UTS2B: variants seen among roughly 807,000 people sequenced by gnomAD.
The protein encoded by UTS2B is urotensin-2B.
UTS2B carries 21 observed loss-of-function variants against 19.2 expected under a neutral mutation model. The observed-to-expected ratio is 1.09, with a 90% CI of 0.78 to 1.58. The LOEUF (loss-of-function observed/expected upper bound fraction) is 1.58, where lower values mean the gene tolerates loss of function less well. UTS2B is among the 40% of genes most tolerant of loss of function. The probability of loss-of-function intolerance (pLI) is 0.00; values close to 1 mark genes in which losing one functional copy is unlikely to be tolerated. For synonymous variants in UTS2B, 57 were observed against 50.2 expected, an observed-to-expected ratio of 1.14 and a Z score of -0.58; for missense variants, 138 against 130.3, an observed-to-expected ratio of 1.06 and a Z score of -0.29.
intron 4 of UTS2B, among the ~76,000 whole-genome samples, chr3:191,300,414 T>C (rs991703920): frequency 8.5e-5 from 13 of 152,184 alleles, no homozygotes; most frequent in African/African-American, 3.1e-4. Context: ...TGCCAGTAAA[T>C]CCATTGTATC....
At chr3:191,341,753 G>A in the UTS2B span, among the ~76,000 whole-genome samples, 8 of 152,154 alleles carry the variant, frequency 5.3e-5, no homozygotes, top group Admixed American at 5.2e-4. Context: ...TTGTGAAACT[G>A]CATGGAGAGC....
rs1309128841 is a variant in UTS2B at position 191,299,673 on chromosome 3, GGGT to G, written c.-125+4816_-125+4818del. On this transcript the variant is annotated intron_variant, in intron 4 of 8. Transcript: ENST00000340524. ...AAAGCAGTGCAGAGGGGAAGTGTGG[GGGT>G]GGAACCCCCACACAGAGTCCCCACT... Among the ~76,000 whole-genome samples, 4 of 152,364 alleles carry G rather than the reference GGGT, an allele frequency of 2.6e-5. No homozygotes were observed. The East Asian group carries it at 7.7e-4, about 29-fold the overall frequency.
intron 4 of UTS2B, among the ~76,000 whole-genome samples, chr3:191,299,824 G>A (rs1326732104): frequency 6.6e-6 from 1 of 152,242 alleles, no homozygotes; most frequent in East Asian, 1.9e-4. Context: ...ACCAGCCCTT[G>A]AGAGCAGCCA....
intron 8 of UTS2B, chr3:191,273,584 T>G (rs754274412): frequency 8.8e-6 from 4 of 456,730 alleles, no homozygotes; most frequent in Non-Finnish European, 1.8e-5. Context: ...AGAGTGGTGC[T>G]GTGCTGTGCT....
intron 3 of UTS2B, among the ~76,000 whole-genome samples, chr3:191,314,067 T>C (rs1430865633): frequency 6.6e-6 from 1 of 152,114 alleles, no homozygotes; most frequent in Non-Finnish European, 1.5e-5. Context: ...TTCTCTGTAA[T>C]GGAGTAGCTT....
chr3:191,284,913 C>T (rs1716492666), intron 4 of UTS2B, among the ~76,000 whole-genome samples: 1 of 151,998 alleles, frequency 6.6e-6, no homozygotes. Context: ...TCATCACCAC[C>T]ACACCAGTCT....
intron 2 of UTS2B, among the ~76,000 whole-genome samples, chr3:191,324,242 C>T (rs1237371784): frequency 1.3e-5 from 2 of 152,228 alleles, no homozygotes; most frequent in Non-Finnish European, 2.9e-5. Context: ...CAAGAAGGCT[C>T]TTACCAGATG....
At chr3:191,324,880 C>T (rs1425775925) in intron 2 of UTS2B, among the ~76,000 whole-genome samples, 2 of 152,044 alleles carry the variant, frequency 1.3e-5, no homozygotes, top group Admixed American at 6.6e-5. Context: ...GAAACCTCCT[C>T]TCTACTAAAT....
chr3:191,282,700 T>G (rs576526775), intron 4 of UTS2B, among the ~76,000 whole-genome samples: 2 of 152,328 alleles, frequency 1.3e-5, no homozygotes, highest in South Asian at 2.1e-4. Context: ...GTAGTCTTCC[T>G]GATAGTGATG....
At chr3:191,312,988 T>C (rs1023583454) in intron 3 of UTS2B, among the ~76,000 whole-genome samples, 2 of 151,894 alleles carry the variant, frequency 1.3e-5, no homozygotes, top group East Asian at 1.9e-4. Flanking sequence ...AGGATAAGTG[T>C]ACATTTAACA....
intron 1 of UTS2B, 86 bp downstream of exon 1, chr3:191,330,328 C>CACACACAA (rs1491569698): frequency 1.0e-4 from 15 of 146,920 alleles, no homozygotes; most frequent in African/African-American, 3.3e-4. Context: ...CACACACACA[C>CACACACAA]AATAGTGAGC....
chr3:191,306,437 T>C (rs182790169), intron 3 of UTS2B, among the ~76,000 whole-genome samples: 1 of 152,300 alleles, frequency 6.6e-6, no homozygotes, highest in East Asian at 1.9e-4. Context: ...TATTTTATAG[T>C]TTATATTTAT....
At chr3:191,285,792 G>A (rs528749066) in intron 4 of UTS2B, among the ~76,000 whole-genome samples, 203 of 152,114 alleles carry the variant, frequency 1.3e-3, no homozygotes, top group Non-Finnish European at 2.4e-3. Flanking sequence ...CCAGCTACTT[G>A]GGAAGCTGAG....
At chr3:191,283,044 A>C (rs965969555) in intron 4 of UTS2B, among the ~76,000 whole-genome samples, 1 of 152,172 alleles carries the variant, frequency 6.6e-6, no homozygotes, top group Non-Finnish European at 1.5e-5. Context: ...CTTGTCCCAA[A>C]AGACTTTGGA....
intron 4 of UTS2B, among the ~76,000 whole-genome samples, chr3:191,293,281 GTCTCT>G (rs1233664957): frequency 6.6e-6 from 1 of 152,148 alleles, no homozygotes; most frequent in Non-Finnish European, 1.5e-5. Context: ...ATTGAAAATG[GTCTCT>G]TCTCTTTTAA....
intron 8 of UTS2B, among the ~76,000 whole-genome samples, chr3:191,274,763 TAAAAAC>T (rs1716184452): frequency 6.6e-6 from 1 of 152,192 alleles, no homozygotes; most frequent in African/African-American, 2.4e-5. Flanking sequence ...TTTTCAAAAA[TAAAAAC>T]AAAGTAAGAA....
intron 2 of UTS2B, among the ~76,000 whole-genome samples, chr3:191,318,524 A>C (rs1026894326): frequency 6.6e-6 from 1 of 152,228 alleles, no homozygotes; most frequent in East Asian, 1.9e-4. Flanking sequence ...GCTGGAGTAC[A>C]GTGGCACAAT....
intron 2 of UTS2B, among the ~76,000 whole-genome samples, chr3:191,325,726 C>T (rs932312786): frequency 6.6e-6 from 1 of 152,142 alleles, no homozygotes; most frequent in Non-Finnish European, 1.5e-5. Flanking sequence ...GAAGCCCTAG[C>T]CTCCAGTAAT....
intron 4 of UTS2B, among the ~76,000 whole-genome samples, chr3:191,297,393 C>T (rs1007394349): frequency 1.3e-5 from 2 of 152,180 alleles, no homozygotes; most frequent in Admixed American, 1.3e-4. Context: ...TTTGTTCACA[C>T]AATTCCCCTT....
Sources: allele counts gnomAD v4.1 joint callset (sites outside exome capture counted in the v4.1 genomes callset), GRCh38; gene constraint gnomAD v4.1.1; transcripts MANE v1.5; gene names NCBI Gene and HGNC (gene_info 2026-07-23, HGNC 2026-07-21).